MTARC2: variants seen among roughly 807,000 people sequenced by gnomAD.
The protein encoded by MTARC2 is MOCO sulphurase C-terminal domain containing 2.
MTARC2 carries 27 observed loss-of-function variants against 35.6 expected under a neutral mutation model. The ratio of observed to expected loss-of-function variants is 0.76; its 90% CI spans 0.56 to 1.04. The LOEUF is 1.04. Ranked by LOEUF, MTARC2 falls within the 50% of genes least tolerant of loss-of-function variation. The pLI is 0.00. For missense variants in MTARC2, 412 were observed against 432.5 expected (o/e 0.95, Z 0.42); for synonymous variants, 158 against 167.1 (o/e 0.95, Z 0.42).
intron 4 of MTARC2, among the ~76,000 whole-genome samples, chr1:220,765,322 G>A (rs1295192110): frequency 6.6e-6 from 1 of 152,188 alleles, no homozygotes. Flanking sequence ...GAAATGTTAG[G>A]GAGGCTGCAC....
chr1:220,755,089 C>T lies in MTARC2; in HGVS notation c.415C>T (p.Gln139Ter), dbSNP rs752589678. ...DMDQLVLPSKQPSSNKLHNCR... is the reference protein window; with the variant it reads ...DMDQLVLPSK Reference sequence around the variant, plus strand: ...GGACCAGCTGGTTTTGCCTAGCAAGCAGCCTTCCTCAAACAAACTCCACAA... The same window carrying T: ...GGACCAGCTGGTTTTGCCTAGCAAGTAGCCTTCCTCAAACAAACTCCACAA... The change falls in exon 2 of 8, where the codon CAG becomes TAG. Residue 139 changes from glutamine (Q) to a stop codon, truncating the protein, a stop_gained. Transcript: ENST00000366913. LOFTEE classifies it high-confidence loss of function. The T allele has an allele frequency of 1.2e-5, 20 of 1,610,798 alleles. No homozygotes were observed. The highest frequency in any genetic ancestry group is 1.5e-5 in the Non-Finnish European group (18 of 1,178,672).
chr1:220,774,287 A>G (rs12028584), intron 4 of MTARC2, among the ~76,000 whole-genome samples: 3,608 of 151,954 alleles, frequency 0.024, 111 homozygotes, highest in African/African-American at 0.064. Flanking sequence ...GACTGGGAGC[A>G]CCCTTTTTTA....
intron 4 of MTARC2, among the ~76,000 whole-genome samples, chr1:220,774,628 A>C (rs77356431): frequency 0.024 from 3,609 of 152,268 alleles, 110 homozygotes; most frequent in African/African-American, 0.064. Flanking sequence ...AAGGAACAGA[A>C]TCCCAAAGGC....
At chr1:220,772,277 C>T (rs1671765066) in intron 4 of MTARC2, among the ~76,000 whole-genome samples, 1 of 152,206 alleles carries the variant, frequency 6.6e-6, no homozygotes, top group Admixed American at 6.5e-5. Context: ...TTTAAAGGCT[C>T]TCTGTATATA....
chr1:220,754,268 C>A (rs551211955), intron 1 of MTARC2: 1 of 454,724 alleles, frequency 2.2e-6, no homozygotes, highest in East Asian at 7.0e-5. Flanking sequence ...CATAGAAATA[C>A]AAAGTAAGAA....
intron 2 of MTARC2, among the ~76,000 whole-genome samples, chr1:220,759,442 C>G (rs772187411): frequency 3.3e-5 from 5 of 152,070 alleles, no homozygotes; most frequent in Admixed American, 6.6e-5. Flanking sequence ...GGGAGCGATA[C>G]CATCCAGTGC....
chr1:220,782,239 T>C (rs1672093628), intron 7 of MTARC2, among the ~76,000 whole-genome samples: 1 of 152,164 alleles, frequency 6.6e-6, no homozygotes, highest in South Asian at 2.1e-4. Flanking sequence ...GAAATGAAGG[T>C]GATTGATTCT....
chr1:220,749,866 G>A (rs1047258964), intron 1 of MTARC2, among the ~76,000 whole-genome samples: 3 of 152,128 alleles, frequency 2.0e-5, no homozygotes, highest in Non-Finnish European at 2.9e-5. Flanking sequence ...CAGGACACGC[G>A]GATGCACTGT....
chr1:220,770,651 T>C, intron 4 of MTARC2: 1 of 793,144 alleles, frequency 1.3e-6, no homozygotes. Context: ...CAAAGTGTGC[T>C]GAAAAGCAGT....
In MTARC2 at chr1:220,780,168, G is replaced by A. The variant is rs1247306521; in HGVS notation, c.813G>A (p.Arg271=). 2 of 1,612,956 alleles carry A rather than the reference G, an allele frequency of 1.2e-6. No homozygotes were observed. The highest frequency in any genetic ancestry group is 1.3e-5 in the African/African-American group (1 of 74,824). ...VEVKKVMACP[R]CILTTVDPDT... is the part of the protein sequence containing the mutation. ...CTAACCCTTGGTTACTGCATAACAG[G>A]TGTATTTTGACAACGGTGGACCCAG... Residue 271 remains arginine (R), a splice_region_variant and synonymous_variant, in exon 6 of 8, where the codon AGG becomes AGA. Transcript: ENST00000366913.
intron 4 of MTARC2, among the ~76,000 whole-genome samples, chr1:220,763,983 T>G (rs1170878539): frequency 1.3e-5 from 2 of 152,200 alleles, no homozygotes; most frequent in Non-Finnish European, 2.9e-5. Context: ...AATTCCAATT[T>G]AGAGATCCCA....
At chr1:220,765,447 ATATC>A (rs1671555949) in intron 4 of MTARC2, among the ~76,000 whole-genome samples, 1 of 152,202 alleles carries the variant, frequency 6.6e-6, no homozygotes, top group Non-Finnish European at 1.5e-5. Flanking sequence ...CTTCCAATAA[ATATC>A]TGCCGAATGC....
chr1:220,769,952 A>AAAAAAAT (rs1671695154), intron 4 of MTARC2, among the ~76,000 whole-genome samples: 1 of 149,546 alleles, frequency 6.7e-6, no homozygotes, highest in Admixed American at 6.7e-5. Context: ...AAAAAAAAAA[A>AAAAAAAT]AAAAATTAAG....
intron 4 of MTARC2, among the ~76,000 whole-genome samples, chr1:220,770,861 G>A (rs967808433): frequency 6.6e-6 from 1 of 152,238 alleles, no homozygotes; most frequent in African/African-American, 2.4e-5. Flanking sequence ...CACAGACGGC[G>A]TCAGCCTGCA....
At chr1:220,773,988 C>T (rs1371480270) in intron 4 of MTARC2, among the ~76,000 whole-genome samples, 2 of 149,774 alleles carry the variant, frequency 1.3e-5, no homozygotes, top group African/African-American at 4.9e-5. Flanking sequence ...CACACACACA[C>T]ATATAAAATG....
At chr1:220,755,370 AAAG>A (rs1281175886) in intron 2 of MTARC2, among the ~76,000 whole-genome samples, 3 of 152,182 alleles carry the variant, frequency 2.0e-5, no homozygotes, top group Non-Finnish European at 4.4e-5. Context: ...TGTCCTGAAA[AAAG>A]AAGATGTTAT....
chr1:220,755,424 G>A (rs185489770), intron 2 of MTARC2, among the ~76,000 whole-genome samples: 90 of 152,266 alleles, frequency 5.9e-4, no homozygotes, highest in African/African-American at 2.1e-3. Flanking sequence ...GCTACGCCAC[G>A]CAAGGCCAAG....
In MTARC2 at chr1:220,753,244, AAAAG is replaced by A. The variant is rs923181833; in HGVS notation, c.273-1691_273-1688del. ...CTCCGTCTCAGAAAAAAAGAAAAAA[AAAAG>A]AAAGAAAGAAAAAGGTGGTCTCCTC... On this transcript the variant is annotated intron_variant, in intron 1 of 7. Transcript: ENST00000366913. Among the ~76,000 whole-genome samples, 52 of 152,132 alleles carry A rather than the reference AAAAG, an allele frequency of 3.4e-4. 1 individual carries two copies. The highest frequency in any genetic ancestry group is 1.0e-3 in the Admixed American group (16 of 15,286).
intron 2 of MTARC2, among the ~76,000 whole-genome samples, chr1:220,760,791 A>T (rs1321222026): frequency 6.6e-6 from 1 of 152,250 alleles, no homozygotes; most frequent in Non-Finnish European, 1.5e-5. Flanking sequence ...ATAAAAATAC[A>T]TTAGGATAAA....
Sources: gnomAD v4.1 joint callset for allele counts (sites outside exome capture counted in the v4.1 genomes callset) on GRCh38, gnomAD v4.1.1 for gene constraint, MANE v1.5 for transcripts, NCBI Gene and HGNC (gene_info 2026-07-23, HGNC 2026-07-21) for gene names.